DLGAP2: variants seen among roughly 807,000 people sequenced by gnomAD.
DLGAP2 encodes the protein DLG associated protein 2.
In DLGAP2, 26 loss-of-function variants were observed where a neutral mutation model predicts 100.3. The observed-to-expected ratio is 0.26, with a 90% CI of 0.19 to 0.36. The LOEUF is 0.36. Among genes scored for constraint, DLGAP2 ranks in the 10% least tolerant of loss-of-function variants. The probability of loss-of-function intolerance (pLI) is 1.00; values close to 1 mark genes in which losing one functional copy is unlikely to be tolerated. For synonymous variants in DLGAP2, 886 were observed against 630.1 expected (o/e 1.41, Z -6.08); for missense variants, 1,858 against 1,453.2 (o/e 1.28, Z -4.53).
At chr8:1,449,469 C>T (rs897418550) in intron 3 of DLGAP2, among the ~76,000 whole-genome samples, 26 of 151,936 alleles carry the variant, frequency 1.7e-4, no homozygotes, top group Non-Finnish European at 2.6e-4. Context: ...AGCAGTGGGA[C>T]GGGACGGCAC....
intron 1 of DLGAP2, among the ~76,000 whole-genome samples, chr8:850,103 T>G (rs1364494389): frequency 6.6e-6 from 1 of 152,010 alleles, no homozygotes; most frequent in African/African-American, 2.4e-5. Context: ...TTTTAATGTT[T>G]GGTTTTGAGA....
intron 2 of DLGAP2, among the ~76,000 whole-genome samples, chr8:1,177,682 A>G (rs1172163986): frequency 6.6e-6 from 1 of 152,158 alleles, no homozygotes; most frequent in Non-Finnish European, 1.5e-5. Flanking sequence ...ATAGAAGTTT[A>G]TTTCTCACAG....
intron 2 of DLGAP2, among the ~76,000 whole-genome samples, chr8:1,027,000 G>C (rs562350553): frequency 1.3e-5 from 2 of 152,268 alleles, no homozygotes; most frequent in South Asian, 4.2e-4. Flanking sequence ...AACCAAATAA[G>C]AATCACATTT....
intron 1 of DLGAP2, among the ~76,000 whole-genome samples, chr8:779,391 T>G (rs938716142): frequency 6.6e-6 from 1 of 152,090 alleles, no homozygotes; most frequent in East Asian, 1.9e-4. Flanking sequence ...TTATTCCAAA[T>G]GCACCTACAC....
intron 2 of DLGAP2, among the ~76,000 whole-genome samples, chr8:1,191,399 T>C (rs1190691754): frequency 1.3e-5 from 2 of 152,172 alleles, no homozygotes; most frequent in East Asian, 3.9e-4. Context: ...CTTGATCTCC[T>C]GACCTTGTGA....
intron 2 of DLGAP2, among the ~76,000 whole-genome samples, chr8:1,193,061 C>A (rs898813403): frequency 6.6e-6 from 1 of 152,096 alleles, no homozygotes; most frequent in East Asian, 1.9e-4. Context: ...TTTTCTTAAT[C>A]CAGTCTATCA....
chr8:1,221,665 T>C (rs1234709132), intron 2 of DLGAP2, among the ~76,000 whole-genome samples: 1 of 152,234 alleles, frequency 6.6e-6, no homozygotes, highest in Non-Finnish European at 1.5e-5. Context: ...GAGGAAATTT[T>C]CATGGACAGC....
chr8:1,201,946 A>ATG (rs1797884724), intron 2 of DLGAP2, among the ~76,000 whole-genome samples: 1 of 144,056 alleles, frequency 6.9e-6, no homozygotes, highest in African/African-American at 2.6e-5. Flanking sequence ...TGATGTGTGT[A>ATG]TGTGTACACA....
intron 3 of DLGAP2, among the ~76,000 whole-genome samples, chr8:1,468,616 C>T (rs928313954): frequency 2.0e-5 from 3 of 152,222 alleles, no homozygotes; most frequent in African/African-American, 4.8e-5. Context: ...TTGAAGGAAA[C>T]CTGGGAAGCC....
At chr8:1,335,431 G>T (rs560856433) in intron 3 of DLGAP2, among the ~76,000 whole-genome samples, 1 of 152,314 alleles carries the variant, frequency 6.6e-6, no homozygotes, top group East Asian at 1.9e-4. Context: ...ACACTATGCT[G>T]TGTCCAGAGA....
intron 2 of DLGAP2, among the ~76,000 whole-genome samples, chr8:928,648 G>A (rs888249776): frequency 3.9e-5 from 6 of 152,116 alleles, no homozygotes; most frequent in Admixed American, 6.5e-5. Flanking sequence ...GAAGAACTTG[G>A]TGATACTGGA....
chr8:1,264,353 T>C (rs1799410100), intron 3 of DLGAP2, among the ~76,000 whole-genome samples: 1 of 151,998 alleles, frequency 6.6e-6, no homozygotes, highest in East Asian at 1.9e-4. Flanking sequence ...GCCCCTTGAA[T>C]CAAACCCAGA....
At chr8:1,664,289 A>C (rs954450108) in intron 8 of DLGAP2, among the ~76,000 whole-genome samples, 4 of 152,154 alleles carry the variant, frequency 2.6e-5, no homozygotes, top group African/African-American at 9.7e-5. Context: ...GCATGGGTAC[A>C]TCTAGGCACA....
chr8:952,508 G>T (rs1799505046), intron 2 of DLGAP2, among the ~76,000 whole-genome samples: 1 of 152,082 alleles, frequency 6.6e-6, no homozygotes, highest in African/African-American at 2.4e-5. Context: ...GTAGTGGTGG[G>T]CGTCTATAAT....
chr8:1,688,401 C>A (rs181898319), intron 12 of DLGAP2: 4 of 152,366 alleles, frequency 2.6e-5, no homozygotes. Context: ...ATCCGAGTTA[C>A]TTGCTTTTAT....
In DLGAP2 at chr8:1,415,004, G is replaced by A. The variant is rs112028278; in HGVS notation, c.107-86362G>A. On this transcript the variant is annotated intron_variant, in intron 3 of 14. Transcript: ENST00000637795. ...AGCCTGGGCAACAGAGCAAGACTCC[G>A]TCTCAAAAGAAAAAAAAAGAAGAAA... Among the ~76,000 whole-genome samples, 20 of 151,758 alleles carry A rather than the reference G, an allele frequency of 1.3e-4. No individual in the cohort carries two copies. The East Asian group carries it at 1.9e-3, about 15-fold the overall frequency.
Position 952,191 on chromosome 8 carries a change from T to C in DLGAP2, c.73+44225T>C, listed in dbSNP as rs181544447. Among the ~76,000 whole-genome samples the C allele has an allele frequency of 1.7e-3, 260 of 152,320 alleles. 1 individual carries two copies. Among genetic ancestry groups the C allele is most frequent in the Middle Eastern group, 3.4e-3 (1 of 294 alleles). On this transcript the variant is annotated intron_variant, in intron 2 of 14. Coordinates refer to ENST00000637795, the MANE Select transcript of DLGAP2 (RefSeq NM_001346810.2). ...AATAATCCGACCCATTTTGCAGAGCTGAAAGGATGTGCCTCCTTGTGACCC... is the reference window on the plus strand; with the variant it reads ...AATAATCCGACCCATTTTGCAGAGCCGAAAGGATGTGCCTCCTTGTGACCC...
chr8:1,693,336 A>G (rs185985362), intron 13 of DLGAP2, among the ~76,000 whole-genome samples: 1 of 150,282 alleles, frequency 6.7e-6, no homozygotes, highest in Non-Finnish European at 1.5e-5. Flanking sequence ...CTAAGTTTAC[A>G]TATACATGTT....
chr8:754,974 G>A (rs1441242523), intron 1 of DLGAP2, among the ~76,000 whole-genome samples: 1 of 152,202 alleles, frequency 6.6e-6, no homozygotes, highest in East Asian at 1.9e-4. Flanking sequence ...GTTTCTGGAA[G>A]CTTGCTCACA....
Sources: gnomAD v4.1 joint callset for allele counts (sites outside exome capture counted in the v4.1 genomes callset) on GRCh38, gnomAD v4.1.1 for gene constraint, MANE v1.5 for transcripts, NCBI Gene and HGNC (gene_info 2026-07-23, HGNC 2026-07-21) for gene names.